MPHOSPH9: variants seen among roughly 807,000 people sequenced by gnomAD.
The protein encoded by MPHOSPH9 is M-phase phosphoprotein 9.
In MPHOSPH9, 88 loss-of-function variants were observed where a neutral mutation model predicts 145.5. The ratio of observed to expected loss-of-function variants is 0.60; its 90% CI spans 0.51 to 0.72. The LOEUF (loss-of-function observed/expected upper bound fraction) is 0.72, where lower values mean the gene tolerates loss of function less well. Ranked by LOEUF, MPHOSPH9 falls within the 30% of genes least tolerant of loss-of-function variation. MPHOSPH9 has a pLI of 0.00. For synonymous variants in MPHOSPH9, 435 were observed against 486.2 expected (o/e 0.89, Z 1.39); for missense variants, 1,238 against 1,386.6 (o/e 0.89, Z 1.70).
intron 11 of MPHOSPH9, among the ~76,000 whole-genome samples, chr12:123,199,707 G>A (rs998514267): frequency 2.6e-5 from 4 of 151,608 alleles, no homozygotes; most frequent in African/African-American, 9.7e-5. Flanking sequence ...GCAGGAGAAT[G>A]GCATGAACCT....
chr12:123,193,225 C>T (rs2045791248), intron 13 of MPHOSPH9, among the ~76,000 whole-genome samples: 1 of 150,130 alleles, frequency 6.7e-6, no homozygotes, highest in Non-Finnish European at 1.5e-5. Flanking sequence ...TGTGACCCTG[C>T]ATGGGAGAAA....
intron 3 of MPHOSPH9, among the ~76,000 whole-genome samples, chr12:123,225,412 C>A (rs1466521832): frequency 6.8e-6 from 1 of 146,254 alleles, no homozygotes; most frequent in African/African-American, 2.6e-5. Context: ...CCACTGTACT[C>A]CAGCCTGGAT....
intron 11 of MPHOSPH9, 74 bp from the exon 12 acceptor site, chr12:123,198,408 A>G: frequency 8.7e-7 from 1 of 1,151,860 alleles, no homozygotes; most frequent in Non-Finnish European, 1.3e-6. Flanking sequence ...AATCTAACCA[A>G]TTCTCTAATA....
rs1195290314 is a variant in MPHOSPH9, at chr12:123,198,320, T to A, written c.1952A>T (p.Asp651Val). ...ACTAGTAGCTTCATGCAAAGCACTATCTAATTGGCCACATCTAAAAACCAT... is the reference window on the plus strand; with the variant it reads ...ACTAGTAGCTTCATGCAAAGCACTAACTAATTGGCCACATCTAAAAACCAT... ...QILVDRCGQL[D>V]SALHEATSRV... The change falls in exon 12 of 24, where the codon GAT (aspartate) becomes GTT (valine). Residue 651 changes from aspartate (D) to valine (V), a missense_variant. By Grantham distance (152) the Asp-to-Val change is radical. Coordinates refer to ENST00000606320, the MANE Select transcript of MPHOSPH9 (RefSeq NM_022782.4). The A allele has an allele frequency of 5.6e-6, 9 of 1,611,668 alleles. No homozygotes were observed. Among genetic ancestry groups the A allele is most frequent in the Non-Finnish European group, 6.8e-6 (8 of 1,178,746 alleles).
chr12:123,221,497 A>G lies in MPHOSPH9; in HGVS notation c.747T>C (p.Tyr249=), dbSNP rs2047199059. 6.2e-7 allele frequency: 1 copy of G among 1,614,074 alleles called. No individual in the cohort carries two copies. Among genetic ancestry groups the G allele is most frequent in the Non-Finnish European group, 8.5e-7 (1 of 1,180,022 alleles). ...CATGACACTCTTCAGGAGTCTGTAT[A>G]TAAAAATTCTCATTTTTCACACCAT... ...LVDGVKNENF[Y]IQTPEECHVS... is the part of the protein sequence containing the mutation. Residue 249 remains tyrosine (Y), a synonymous_variant, in exon 5 of 24, where the codon TAT becomes TAC. Transcript: ENST00000606320.
At chr12:123,194,301 G>A in intron 13 of MPHOSPH9, 85 bp downstream of exon 13, 3 of 807,776 alleles carry the variant, frequency 3.7e-6, no homozygotes, top group South Asian at 2.0e-5. Flanking sequence ...AATAAGCCTA[G>A]AAAGTCATAA....
At chr12:123,174,084 G>A (rs544611534) in intron 16 of MPHOSPH9, among the ~76,000 whole-genome samples, 22 of 152,282 alleles carry the variant, frequency 1.4e-4, no homozygotes, top group Admixed American at 3.3e-4. Flanking sequence ...CTGATTGCTC[G>A]CTTGCTGGTG....
At chr12:123,171,702 T>C (rs1158624413) in intron 16 of MPHOSPH9, among the ~76,000 whole-genome samples, 1 of 152,032 alleles carries the variant, frequency 6.6e-6, no homozygotes, top group East Asian at 1.9e-4. Flanking sequence ...TGAGCCGAGA[T>C]TGTGCCACTG....
intron 1 of MPHOSPH9, among the ~76,000 whole-genome samples, chr12:123,242,954 G>A (rs2047965404): frequency 6.6e-6 from 1 of 152,180 alleles, no homozygotes; most frequent in Non-Finnish European, 1.5e-5. Context: ...ATACACAAAT[G>A]AATTTTGTTT....
chr12:123,193,096 AAT>A (rs1555223326), intron 13 of MPHOSPH9, among the ~76,000 whole-genome samples: 2 of 87,226 alleles, frequency 2.3e-5, no homozygotes, highest in African/African-American at 4.7e-5. Flanking sequence ...AAAAAAAAAA[AAT>A]ATATATATAT....
chr12:123,213,106 G>T (rs964848264), intron 7 of MPHOSPH9, among the ~76,000 whole-genome samples: 3 of 151,884 alleles, frequency 2.0e-5, no homozygotes, highest in Non-Finnish European at 4.4e-5. Context: ...TGATCCGCCC[G>T]ACCTGGCCTC....
intron 1 of MPHOSPH9, among the ~76,000 whole-genome samples, chr12:123,239,220 G>A (rs955392727): frequency 1.3e-5 from 2 of 152,212 alleles, no homozygotes; most frequent in Non-Finnish European, 2.9e-5. Context: ...AGTGAGCTGA[G>A]ATGGCGCCAC....
chr12:123,198,283 T>C lies in MPHOSPH9; in HGVS notation c.1989A>G (p.Thr663=), dbSNP rs1383889780. 2 of 1,612,220 alleles carry C rather than the reference T, an allele frequency of 1.2e-6. No homozygotes were observed. Among genetic ancestry groups the C allele is most frequent in the Non-Finnish European group, 1.7e-6 (2 of 1,178,992 alleles). ...ALHEATSRVR[T]LENKNNLLEI... ...CCAGTAAGTTATTCTTATTTTCAAG[T>C]GTTCTCACGCGACTAGTAGCTTCAT... The change falls in exon 12 of 24, where the codon ACA becomes ACG. Residue 663 remains threonine (T), a synonymous_variant. Coordinates refer to ENST00000606320, the MANE Select transcript of MPHOSPH9 (RefSeq NM_022782.4).
intron 12 of MPHOSPH9, among the ~76,000 whole-genome samples, chr12:123,197,876 G>A (rs1274016907): frequency 6.6e-6 from 1 of 151,360 alleles, no homozygotes; most frequent in African/African-American, 2.4e-5. Flanking sequence ...AAGGTCAGGA[G>A]ATCGAGACCA....
At chr12:123,152,643 A>C (rs747408154), downstream of MPHOSPH9, 1 of 454,678 alleles carries the variant, frequency 2.2e-6, no homozygotes, top group East Asian at 7.0e-5. Flanking sequence ...AATAAAGTAC[A>C]AATCAGGCAG....
chr12:123,195,609 A>G (rs780077152), intron 12 of MPHOSPH9, among the ~76,000 whole-genome samples: 5 of 151,954 alleles, frequency 3.3e-5, no homozygotes, highest in Non-Finnish European at 5.9e-5. Flanking sequence ...AAAATACAGG[A>G]AATTAAAAAC....
chr12:123,214,816 T>C lies in MPHOSPH9; in HGVS notation c.1015A>G (p.Thr339Ala), dbSNP rs763861881. Residue 339 changes from threonine (T) to alanine (A), a missense_variant, in exon 7 of 24, where the codon ACA becomes GCA. Transcript: ENST00000606320. ...CTGAGGTAAAAAGCACGAGGATGTG[T>C]AGCAGCAGCAAAATCAGACTACAAG... Reference protein sequence around the residue: ...PIEKSDFAAATHPRAFYLSKP... With the variant: ...PIEKSDFAAAAHPRAFYLSKP... The C allele has an allele frequency of 9.3e-6, 15 of 1,613,164 alleles. No individual in the cohort carries two copies. In the Middle Eastern group the frequency reaches 1.5e-3, roughly 160 times the overall value.
At chr12:123,158,616 G>A (rs2043969081) in intron 23 of MPHOSPH9, among the ~76,000 whole-genome samples, 1 of 151,928 alleles carries the variant, frequency 6.6e-6, no homozygotes, top group South Asian at 2.1e-4. Flanking sequence ...AACCTAAGAA[G>A]AGAATCAAAC....
At chr12:123,225,302 G>C (rs577185484) in intron 3 of MPHOSPH9, among the ~76,000 whole-genome samples, 2 of 146,702 alleles carry the variant, frequency 1.4e-5, no homozygotes, top group African/African-American at 2.5e-5. Flanking sequence ...AAATTAGCTG[G>C]GCATGGTGGT....
Sources: allele counts gnomAD v4.1 joint callset (sites outside exome capture counted in the v4.1 genomes callset), GRCh38; gene constraint gnomAD v4.1.1; transcripts MANE v1.5; gene names NCBI Gene and HGNC (gene_info 2026-07-23, HGNC 2026-07-21).